PRKCQ: variants seen among roughly 807,000 people sequenced by gnomAD.
PRKCQ encodes the protein protein kinase C theta type.
A neutral mutation model predicts 91.2 loss-of-function variants in PRKCQ; 41 were observed. The ratio of observed to expected loss-of-function variants is 0.45; its 90% CI spans 0.35 to 0.58. The LOEUF is 0.58. Ranked by LOEUF, PRKCQ falls within the 20% of genes least tolerant of loss-of-function variation. The pLI, the probability that PRKCQ is intolerant of heterozygous loss-of-function variation, is 0.00. For synonymous variants in PRKCQ, 307 were observed against 316.9 expected (o/e 0.97, Z 0.33); for missense variants, 673 against 896.5 (o/e 0.75, Z 3.18).
At chr10:6,514,173 C>T (rs957426776) in intron 2 of PRKCQ, among the ~76,000 whole-genome samples, 1 of 152,104 alleles carries the variant, frequency 6.6e-6, no homozygotes, top group Admixed American at 6.6e-5. Flanking sequence ...AGCCTGCATC[C>T]ATCATCATTA....
chr10:6,555,003 T>C (rs1408457057), intron 1 of PRKCQ, among the ~76,000 whole-genome samples: 1 of 152,192 alleles, frequency 6.6e-6, no homozygotes, highest in East Asian at 1.9e-4. Flanking sequence ...CTAGAGGCTA[T>C]GATCCTAAGT....
intron 12 of PRKCQ, among the ~76,000 whole-genome samples, chr10:6,467,375 C>CAGAGAGAGAG (rs1564324243): frequency 2.2e-5 from 1 of 46,192 alleles, no homozygotes; most frequent in Non-Finnish European, 4.3e-5. Context: ...GAGAGAGAGA[C>CAGAGAGAGAG]AGAGAGAGAC....
intron 2 of PRKCQ, among the ~76,000 whole-genome samples, chr10:6,513,493 G>A (rs1418962239): frequency 3.4e-5 from 5 of 148,292 alleles, no homozygotes; most frequent in African/African-American, 1.2e-4. Context: ...ATGTCAGGGA[G>A]ACCTGAGATG....
intron 12 of PRKCQ, among the ~76,000 whole-genome samples, chr10:6,473,833 T>G (rs924486038): frequency 2.0e-5 from 3 of 152,202 alleles, no homozygotes; most frequent in Non-Finnish European, 4.4e-5. Flanking sequence ...ATGACATACT[T>G]TTTAAAAAGT....
intron 1 of PRKCQ, among the ~76,000 whole-genome samples, chr10:6,559,125 T>G (rs1438692176): frequency 6.6e-6 from 1 of 152,190 alleles, no homozygotes; most frequent in Admixed American, 6.5e-5. Flanking sequence ...AAAAGAAAAG[T>G]TACGTATCCT....
chr10:6,528,800 G>A lies in PRKCQ; in HGVS notation c.-9-13656C>T, dbSNP rs1041810102. 3.3e-5 allele frequency among the ~76,000 whole-genome samples: 5 copies of A among 152,202 alleles called. No individual in the cohort carries two copies. The South Asian group carries it at 6.2e-4, about 19-fold the overall frequency. ...GAGGACATGAATGCATAGAGTTTTC[G>A]CTGTAGACTGTTTCTGTCTGCTCCC... On this transcript the variant is annotated intron_variant, in intron 1 of 17. Coordinates refer to ENST00000263125, the MANE Select transcript of PRKCQ (RefSeq NM_006257.5).
the PRKCQ span, among the ~76,000 whole-genome samples, chr10:6,412,303 G>A: frequency 1.3e-5 from 2 of 152,158 alleles, no homozygotes; most frequent in Admixed American, 6.5e-5. Flanking sequence ...CTTCGAATTC[G>A]CTTTAAGATG....
At chr10:6,569,340 C>T (rs1840948521) in intron 1 of PRKCQ, among the ~76,000 whole-genome samples, 1 of 151,758 alleles carries the variant, frequency 6.6e-6, no homozygotes, top group South Asian at 2.1e-4. Flanking sequence ...CAGGAAGTAG[C>T]TCAGAGATTG....
chr10:6,412,593 T>C, the PRKCQ span, among the ~76,000 whole-genome samples: 9 of 152,220 alleles, frequency 5.9e-5, no homozygotes, highest in Admixed American at 5.9e-4. Context: ...CGCAAAGATA[T>C]GTATGGTAAA....
intron 12 of PRKCQ, among the ~76,000 whole-genome samples, chr10:6,470,593 T>A (rs1186535260): frequency 6.6e-6 from 1 of 152,196 alleles, no homozygotes; most frequent in Non-Finnish European, 1.5e-5. Context: ...AAGAGGTTCC[T>A]GAAGTGACAG....
At chr10:6,549,796 A>G (rs1486626839) in intron 1 of PRKCQ, among the ~76,000 whole-genome samples, 2 of 151,494 alleles carry the variant, frequency 1.3e-5, no homozygotes, top group African/African-American at 4.9e-5. Flanking sequence ...ATGCCCGGCT[A>G]ATTTTTGTAT....
chr10:6,438,659 G>C (rs1399010155), intron 16 of PRKCQ, among the ~76,000 whole-genome samples: 1 of 152,088 alleles, frequency 6.6e-6, no homozygotes, highest in Non-Finnish European at 1.5e-5. Context: ...GCAGTGGTGT[G>C]ATCATGGCTC....
chr10:6,455,531 C>T (rs1295736137), intron 15 of PRKCQ, among the ~76,000 whole-genome samples: 1 of 152,218 alleles, frequency 6.6e-6, no homozygotes, highest in East Asian at 1.9e-4. Context: ...CCCAGGAAAT[C>T]AGAGGTCTGC....
chr10:6,520,729 T>C (rs1399144255), intron 1 of PRKCQ, among the ~76,000 whole-genome samples: 1 of 152,180 alleles, frequency 6.6e-6, no homozygotes, highest in Non-Finnish European at 1.5e-5. Flanking sequence ...AGTGCACTGC[T>C]AGACAGCACC....
At chr10:6,472,770 T>C (rs568360300) in intron 12 of PRKCQ, among the ~76,000 whole-genome samples, 8 of 152,216 alleles carry the variant, frequency 5.3e-5, no homozygotes, top group Non-Finnish European at 1.0e-4. Context: ...TGGAGTGCAG[T>C]GGTGTGGTCT....
chr10:6,396,215 GC>G, the PRKCQ span, among the ~76,000 whole-genome samples: 1 of 152,084 alleles, frequency 6.6e-6, no homozygotes, highest in Admixed American at 6.6e-5. Context: ...TAGAAACTTG[GC>G]TAAAACTAAG....
chr10:6,516,515 A>G (rs1838763355), intron 1 of PRKCQ, among the ~76,000 whole-genome samples: 2 of 152,266 alleles, frequency 1.3e-5, no homozygotes, highest in Admixed American at 1.3e-4. Context: ...GAGCGGGGCT[A>G]ACAGCTGTGA....
intron 12 of PRKCQ, among the ~76,000 whole-genome samples, chr10:6,470,853 A>G (rs1275720329): frequency 6.6e-6 from 1 of 151,818 alleles, no homozygotes; most frequent in Non-Finnish European, 1.5e-5. Flanking sequence ...TGGGAGGCTG[A>G]GGCAGGAGAA....
the PRKCQ span, among the ~76,000 whole-genome samples, chr10:6,414,097 G>A: frequency 0.4 from 60,161 of 152,068 alleles, 13,490 homozygotes; most frequent in East Asian, 0.76. Flanking sequence ...CAGCAAATGC[G>A]TGGGGAACTC....
Sources: allele counts gnomAD v4.1 joint callset (sites outside exome capture counted in the v4.1 genomes callset), GRCh38; gene constraint gnomAD v4.1.1; transcripts MANE v1.5; gene names NCBI Gene and HGNC (gene_info 2026-07-23, HGNC 2026-07-21).